P2RY12: variants seen among roughly 807,000 people sequenced by gnomAD.
The protein encoded by P2RY12 is P2Y purinoceptor 12.
In P2RY12, 3 loss-of-function variants were observed where a neutral mutation model predicts 4.5. The ratio of observed to expected loss-of-function variants is 0.67; its 90% CI spans 0.31 to 1.74. P2RY12 has a LOEUF of 1.74. Among genes scored for constraint, P2RY12 ranks in the 40% most tolerant of loss-of-function variants. P2RY12 has a pLI of 0.09. For missense variants in P2RY12, 356 were observed against 407.8 expected, an observed-to-expected ratio of 0.87 and a Z score of 1.09; for synonymous variants, 148 against 154.1, an observed-to-expected ratio of 0.96 and a Z score of 0.29.
chr3:151,360,482 G>A, intron 1 of P2RY12: 1 of 1,612,108 alleles, frequency 6.2e-7, no homozygotes, highest in Non-Finnish European at 8.5e-7. Flanking sequence ...AGGTTGTGTG[G>A]TGTGGTCAAG....
chr3:151,373,836 C>G (rs948978482), intron 1 of P2RY12, among the ~76,000 whole-genome samples: 27 of 152,106 alleles, frequency 1.8e-4, no homozygotes, highest in Non-Finnish European at 2.8e-4. Context: ...TCAACTATTC[C>G]TCCAAGGAGC....
At chr3:151,379,318 C>A (rs1711804903) in intron 1 of P2RY12, among the ~76,000 whole-genome samples, 1 of 152,168 alleles carries the variant, frequency 6.6e-6, no homozygotes, top group Admixed American at 6.5e-5. Flanking sequence ...TTTATTCTGC[C>A]CATGGAGAAT....
At chr3:151,384,664 A>G (rs1491974) in intron 1 of P2RY12, 28 bp downstream of exon 1, 98,756 of 197,694 alleles carry the variant, frequency 0.5, 24,878 homozygotes, top group Middle Eastern at 0.58. Context: ...AATCTGATGC[A>G]TTACCAATCA....
At chr3:151,383,310 G>C (rs1349476706) in intron 1 of P2RY12, among the ~76,000 whole-genome samples, 9 of 152,190 alleles carry the variant, frequency 5.9e-5, no homozygotes. Flanking sequence ...TGAACTGGTA[G>C]GTGTGCGGGC....
intron 1 of P2RY12, among the ~76,000 whole-genome samples, chr3:151,357,031 C>T (rs1236420925): frequency 1.3e-5 from 2 of 152,024 alleles, no homozygotes; most frequent in Non-Finnish European, 2.9e-5. Flanking sequence ...TGTATACATC[C>T]TGATGTCTAG....
At chr3:151,376,151 T>A in intron 1 of P2RY12, 1 of 1,610,120 alleles carries the variant, frequency 6.2e-7, no homozygotes, top group Non-Finnish European at 8.5e-7. Context: ...GTTATCCTCA[T>A]GGCATTAAAG....
chr3:151,355,856 G>A, intron 1 of P2RY12: 1 of 1,515,086 alleles, frequency 6.6e-7, no homozygotes. Flanking sequence ...AGATTATTTA[G>A]AATATTGGTC....
intron 1 of P2RY12, among the ~76,000 whole-genome samples, chr3:151,367,421 C>T (rs1379621915): frequency 1.3e-5 from 2 of 152,164 alleles, no homozygotes; most frequent in Admixed American, 1.3e-4. Context: ...AGTCAAAGCT[C>T]AGTATTTTCT....
chr3:151,382,980 C>G (rs964186557), intron 1 of P2RY12, among the ~76,000 whole-genome samples: 8 of 152,200 alleles, frequency 5.3e-5, no homozygotes, highest in Non-Finnish European at 1.2e-4. Context: ...TTTGCCTTCT[C>G]TACCTCTACC....
chr3:151,348,781 A>G (rs985941765), intron 1 of P2RY12, among the ~76,000 whole-genome samples: 3 of 152,214 alleles, frequency 2.0e-5, no homozygotes, highest in Admixed American at 2.0e-4. Flanking sequence ...ACAGAATTGG[A>G]GAGAGAAAAA....
At chr3:151,349,959 A>G in intron 1 of P2RY12, 1 of 1,104,850 alleles carries the variant, frequency 9.1e-7, no homozygotes, top group Admixed American at 2.4e-5. Context: ...CCACCACCGC[A>G]AGCCAGCATG....
intron 1 of P2RY12, chr3:151,357,295 G>A: frequency 6.2e-7 from 1 of 1,613,896 alleles, no homozygotes; most frequent in Non-Finnish European, 8.5e-7. Flanking sequence ...ACAGGACTGT[G>A]TGTCTGCATC....
chr3:151,357,272 A>T (rs1255397604), intron 1 of P2RY12: 1 of 1,613,632 alleles, frequency 6.2e-7, no homozygotes, highest in Non-Finnish European at 8.5e-7. Flanking sequence ...CCAGCCTGGC[A>T]GGAAGTTATA....
Position 151,338,598 on chromosome 3 carries a change from C to G in P2RY12, c.248G>C (p.Ser83Thr). The G allele has an allele frequency of 6.2e-7, 1 of 1,613,862 alleles. No homozygotes were observed. The change falls in exon 3 of 3, where the codon AGT becomes ACT. Residue 83 changes from serine to threonine, a missense_variant. Coordinates refer to ENST00000302632, the MANE Select transcript of P2RY12 (RefSeq NM_022788.5). ...MILTFPFKILSDAKLGTGPLR... is the reference protein window; with the variant it reads ...MILTFPFKILTDAKLGTGPLR... ...TGGTCCTGTTCCCAGTTTGGCATCA[C>G]TAAGAATTTTGAATGGAAAAGTCAG...
At chr3:151,361,266 G>A (rs1029026114) in intron 1 of P2RY12, among the ~76,000 whole-genome samples, 3 of 151,986 alleles carry the variant, frequency 2.0e-5, no homozygotes, top group African/African-American at 7.3e-5. Flanking sequence ...TTGCTGTTTA[G>A]CAGGTAACTT....
chr3:151,357,587 C>T (rs1211429314), intron 1 of P2RY12, among the ~76,000 whole-genome samples: 1 of 152,140 alleles, frequency 6.6e-6, no homozygotes, highest in Non-Finnish European at 1.5e-5. Context: ...TTCTTCCCTT[C>T]CTCCTTGCCT....
intron 1 of P2RY12, chr3:151,364,977 A>G: frequency 6.2e-7 from 1 of 1,608,242 alleles, no homozygotes; most frequent in South Asian, 1.1e-5. Context: ...TTATAACCTC[A>G]GTAGTGCCTG....
At chr3:151,340,527 G>A (rs891302360) in intron 2 of P2RY12, 69 bp downstream of exon 2, 1 of 152,488 alleles carries the variant, frequency 6.6e-6, no homozygotes, top group Non-Finnish European at 1.5e-5. Context: ...GAGAAACTTG[G>A]AAAAAATGTA....
chr3:151,383,569 T>A (rs967469088), intron 1 of P2RY12, among the ~76,000 whole-genome samples: 2 of 152,222 alleles, frequency 1.3e-5, no homozygotes, highest in African/African-American at 4.8e-5. Context: ...CCTTCTTCAT[T>A]TTAGTTAATG....
Sources: allele counts gnomAD v4.1 joint callset (sites outside exome capture counted in the v4.1 genomes callset), GRCh38; gene constraint gnomAD v4.1.1; transcripts MANE v1.5; gene names NCBI Gene and HGNC (gene_info 2026-07-23, HGNC 2026-07-21).